Variants in EFHC2 observed in about 807,000 individuals in gnomAD.
The protein encoded by EFHC2 is EF-hand domain containing 2.
Under a neutral mutation model 52.7 loss-of-function variants are expected in EFHC2, and 18 were observed. That is an observed-to-expected ratio of 0.34 (90% CI 0.24 to 0.51). The LOEUF (loss-of-function observed/expected upper bound fraction) is 0.51, where lower values mean the gene tolerates loss of function less well. Ranked by LOEUF, EFHC2 falls within the 20% of genes least tolerant of loss-of-function variation. The pLI, the probability that EFHC2 is intolerant of heterozygous loss-of-function variation, is 0.97. For missense variants in EFHC2, 513 were observed against 562.5 expected (o/e 0.91, Z 0.89); for synonymous variants, 203 against 204.1 (o/e 0.99, Z 0.04).
chrX:44,293,086 C>T (rs754882307), intron 2 of EFHC2, among the ~76,000 whole-genome samples: 1 of 108,652 alleles, frequency 9.2e-6, no homozygotes, highest in Non-Finnish European at 1.9e-5. Flanking sequence ...AAGCAATTCC[C>T]CTGCCTCAGT....
chrX:44,287,246 T>G (rs958613515), intron 2 of EFHC2, among the ~76,000 whole-genome samples: 1 of 110,297 alleles, frequency 9.1e-6, no homozygotes, highest in African/African-American at 3.3e-5. Context: ...GTAAGCAAGA[T>G]ATACACACAA....
chrX:44,230,503 C>T (rs1162168089), intron 10 of EFHC2, among the ~76,000 whole-genome samples: 1 of 111,707 alleles, frequency 9.0e-6, no homozygotes, highest in Non-Finnish European at 1.9e-5. Flanking sequence ...CAGACCCCTA[C>T]TCCTCCCACT....
intron 1 of EFHC2, among the ~76,000 whole-genome samples, chrX:44,322,496 G>T (rs772334474): frequency 4.8e-4 from 54 of 111,751 alleles, no homozygotes; most frequent in Non-Finnish European, 9.4e-5. Flanking sequence ...GCAGCACCAG[G>T]GAGTAATAGG....
At chrX:44,275,110 CACTGGCATAGGTCAATTGACA>C (rs1419446236) in intron 2 of EFHC2, among the ~76,000 whole-genome samples, 49 of 111,546 alleles carry the variant, frequency 4.4e-4, no homozygotes, top group African/African-American at 1.5e-3. Context: ...AGAATGACTA[CACTGGCATAGGTCAATTGACA>C]ACTGGCATAG....
chrX:44,330,265 C>T (rs779243099), intron 1 of EFHC2, among the ~76,000 whole-genome samples: 14 of 108,609 alleles, frequency 1.3e-4, no homozygotes, highest in Non-Finnish European at 2.7e-4. Context: ...CAAAATAAAC[C>T]ATCACAGGAG....
intron 2 of EFHC2, among the ~76,000 whole-genome samples, chrX:44,280,090 G>T (rs1158649460): frequency 9.8e-6 from 1 of 102,375 alleles, no homozygotes; most frequent in Non-Finnish European, 1.9e-5. Context: ...TCTCAGGGTG[G>T]GCCTAGGCAT....
intron 11 of EFHC2, among the ~76,000 whole-genome samples, chrX:44,179,617 G>A (rs1014983516): frequency 8.9e-6 from 1 of 111,844 alleles, no homozygotes; most frequent in Admixed American, 9.5e-5. Flanking sequence ...TACTTCTCAA[G>A]TTTCCTGGGT....
chrX:44,171,846 G>A (rs2036748284), intron 13 of EFHC2, among the ~76,000 whole-genome samples: 2 of 111,421 alleles, frequency 1.8e-5, no homozygotes, highest in African/African-American at 3.3e-5. Flanking sequence ...AGAGTGAGAG[G>A]AGAGAGCACA....
chrX:44,148,025 T>G lies in EFHC2; in HGVS notation c.*770A>C, dbSNP rs2147259915. The G allele has an allele frequency of 9.1e-6, 1 of 110,436 alleles. No homozygotes were observed. Among genetic ancestry groups the G allele is most frequent in the East Asian group, 2.8e-4 (1 of 3,527 alleles). 9.1% of individuals were successfully genotyped at this position (110,436 alleles called of 1,213,427 possible). On this transcript the variant is annotated 3_prime_UTR_variant, in exon 15 of 15. Coordinates refer to ENST00000420999, the MANE Select transcript of EFHC2 (RefSeq NM_025184.4). ...CCTCTAGGGTGGGGCGCGTGGGATG[T>G]GTGTGTAAAACAAACCAAAAAAAAA...
intron 1 of EFHC2, among the ~76,000 whole-genome samples, chrX:44,329,238 C>T (rs5905793): frequency 0.48 from 52,990 of 109,864 alleles, 9,339 homozygotes; most frequent in African/African-American, 0.6. Flanking sequence ...TATTAACTGA[C>T]CTAAAGAGTA....
chrX:44,184,921 T>C (rs2036862770), intron 11 of EFHC2, among the ~76,000 whole-genome samples: 1 of 111,099 alleles, frequency 9.0e-6, no homozygotes, highest in African/African-American at 3.3e-5. Flanking sequence ...TTTTGTCTAT[T>C]TTGTTCATTG....
At position 44,277,849 on chromosome X, in the gene EFHC2, T is replaced by TA. The variant is rs1229432633; in HGVS notation, c.232-5014dup. 2.7e-5 allele frequency among the ~76,000 whole-genome samples: 3 copies of TA among 110,153 alleles called. No individual in the cohort carries two copies. In the Admixed American group the frequency reaches 2.9e-4, roughly 11 times the overall value. On this transcript the variant is annotated intron_variant, in intron 2 of 14. Transcript: ENST00000420999. The stretch of plus-strand genomic sequence containing the variant: ...TGTACCAAAAATAAATCTAAAAATA[T>TA]AAAAAATATACAAATAAAATTTATA...
chrX:44,224,854 C>G (rs1252529280), intron 11 of EFHC2, among the ~76,000 whole-genome samples: 2 of 111,869 alleles, frequency 1.8e-5, no homozygotes, highest in African/African-American at 6.5e-5. Flanking sequence ...GATCAAGGCT[C>G]AGGGAGGTGG....
chrX:44,214,011 A>C (rs1301869304), intron 11 of EFHC2, among the ~76,000 whole-genome samples: 1 of 112,093 alleles, frequency 8.9e-6, no homozygotes, highest in African/African-American at 3.2e-5. Flanking sequence ...GGTTATGTCA[A>C]AAGAAACTTC....
At position 44,243,499 on chromosome X, in the gene EFHC2, T is replaced by TTTTTG. The variant is rs760645180; in HGVS notation, c.1112-1215_1112-1211dup. Among the ~76,000 whole-genome samples, 16 of 111,931 alleles carry TTTTTG rather than the reference T, an allele frequency of 1.4e-4. No homozygotes were observed. In the South Asian group the frequency reaches 2.6e-3, roughly 18 times the overall value. Reference sequence around the variant, plus strand: ...TCTTAATATTAAGGTGGTTGTTTGGTTTTTGTTTTGTTTTGTTTTGTTTTG... The same window carrying TTTTTG: ...TCTTAATATTAAGGTGGTTGTTTGGTTTTTGTTTTGTTTTGTTTTGTTTTGTTTTG... On this transcript the variant is annotated intron_variant, in intron 7 of 14. Transcript: ENST00000420999.
At chrX:44,230,266 G>A (rs746362926) in intron 10 of EFHC2, among the ~76,000 whole-genome samples, 28 of 111,482 alleles carry the variant, frequency 2.5e-4, no homozygotes, top group Non-Finnish European at 2.5e-4. Context: ...CCTAACCCTC[G>A]CACAGTCATT....
In EFHC2 at chrX:44,148,831, G is replaced by T; in HGVS notation, c.2214C>A (p.Thr738=). ...PIPAKYIDYW[T]FLKDAFGLEE... ...CTAAGCCAAACGCGTCCTTCAAAAA[G>T]GTCCAGTAGTCAATGTATTTCGCAG... is the stretch of plus-strand genomic sequence containing the variant. Residue 738 remains threonine (T), a synonymous_variant, in exon 15 of 15, where the codon ACC becomes ACA. Coordinates refer to ENST00000420999, the MANE Select transcript of EFHC2 (RefSeq NM_025184.4). 1 of 1,186,788 alleles carries T rather than the reference G, an allele frequency of 8.4e-7. No homozygotes were observed. Among genetic ancestry groups the T allele is most frequent in the Non-Finnish European group, 1.1e-6 (1 of 882,444 alleles).
intron 11 of EFHC2, among the ~76,000 whole-genome samples, chrX:44,201,740 C>A (rs2037007656): frequency 9.0e-6 from 1 of 111,719 alleles, no homozygotes; most frequent in Non-Finnish European, 1.9e-5. Flanking sequence ...ACTGACAATA[C>A]CTACATTTTA....
intron 7 of EFHC2, among the ~76,000 whole-genome samples, chrX:44,246,754 T>G (rs1331270856): frequency 9.0e-6 from 1 of 111,676 alleles, no homozygotes; most frequent in Admixed American, 9.5e-5. Flanking sequence ...TTTTCCCAAA[T>G]GCAACTTTCA....
Sources: allele counts gnomAD v4.1 joint callset (sites outside exome capture counted in the v4.1 genomes callset), GRCh38; gene constraint gnomAD v4.1.1; transcripts MANE v1.5; gene names NCBI Gene and HGNC (gene_info 2026-07-23, HGNC 2026-07-21).